PPP2R2B: variants seen among roughly 807,000 people sequenced by gnomAD.
PPP2R2B encodes protein phosphatase 2 regulatory subunit Bbeta.
PPP2R2B carries 5 observed loss-of-function variants against 46.0 expected under a neutral mutation model. The observed-to-expected ratio is 0.11, with a 90% CI of 0.06 to 0.23. The LOEUF is 0.23. Among genes scored for constraint, PPP2R2B ranks in the 10% least tolerant of loss-of-function variants. PPP2R2B has a pLI of 1.00. For synonymous variants in PPP2R2B, 215 were observed against 206.7 expected (o/e 1.04, Z -0.34); for missense variants, 367 against 575.0 (o/e 0.64, Z 3.70).
intron 1 of PPP2R2B, among the ~76,000 whole-genome samples, chr5:146,902,834 T>A (rs5010918): frequency 0.48 from 72,827 of 151,794 alleles, 19,258 homozygotes; most frequent in East Asian, 0.7. Context: ...TTTGCTACAC[T>A]GGAATCAGTT....
At chr5:146,834,816 C>T (rs1216089410) in intron 2 of PPP2R2B, among the ~76,000 whole-genome samples, 1 of 152,112 alleles carries the variant, frequency 6.6e-6, no homozygotes, top group Non-Finnish European at 1.5e-5. Flanking sequence ...TATTTTTCCC[C>T]TCTTTTGTTT....
At chr5:147,074,849 CT>C (rs1757713233) in intron 2 of PPP2R2B, among the ~76,000 whole-genome samples, 2 of 152,214 alleles carry the variant, frequency 1.3e-5, no homozygotes, top group Admixed American at 6.5e-5. Flanking sequence ...GTACCTCATC[CT>C]TCCCTCTACA....
chr5:146,694,629 G>C (rs904042554), intron 4 of PPP2R2B, among the ~76,000 whole-genome samples: 1 of 151,900 alleles, frequency 6.6e-6, no homozygotes, highest in African/African-American at 2.4e-5. Flanking sequence ...ATGTACTTTG[G>C]GGGGAGAATA....
At chr5:146,819,807 T>C (rs1218652629) in intron 2 of PPP2R2B, among the ~76,000 whole-genome samples, 1 of 152,178 alleles carries the variant, frequency 6.6e-6, no homozygotes, top group Non-Finnish European at 1.5e-5. Flanking sequence ...CAAAGAGATA[T>C]CTGCACTCCC....
rs986206839 is a variant in PPP2R2B, at chr5:146,600,190, C to T, written c.960+101G>A. The T allele has an allele frequency of 2.4e-6, 3 of 1,258,284 alleles. No individual in the cohort carries two copies. In the African/African-American group the frequency reaches 4.5e-5, roughly 19 times the overall value. The allele number at this position is 1,258,284 out of a possible 1,614,324, so 77.9% of individuals were successfully genotyped here. Reference sequence around the variant, plus strand: ...TTACTGAATGTATCACCATGCATTGCCTTCCATTTTGCTGCACTGTAAACC... The same window carrying T: ...TTACTGAATGTATCACCATGCATTGTCTTCCATTTTGCTGCACTGTAAACC... On this transcript the variant is annotated intron_variant, in intron 8 of 9. Coordinates refer to ENST00000394411, the MANE Select transcript of PPP2R2B (RefSeq NM_181675.4).
intron 4 of PPP2R2B, among the ~76,000 whole-genome samples, chr5:146,696,787 G>A (rs1206500835): frequency 1.3e-5 from 2 of 152,158 alleles, no homozygotes; most frequent in African/African-American, 4.8e-5. Flanking sequence ...CGTCCGAATT[G>A]TCATTTTTTT....
chr5:146,593,029 G>C lies in PPP2R2B; in HGVS notation c.994C>G (p.Leu332Val). The C allele has an allele frequency of 6.2e-7, 1 of 1,613,970 alleles. No individual in the cohort carries two copies. Among genetic ancestry groups the C allele is most frequent in the Non-Finnish European group, 8.5e-7 (1 of 1,179,834 alleles). The change falls in exon 9 of 10, where the codon CTC becomes GTC. Residue 332 changes from leucine (L) to valine (V), a missense_variant. Leu to Val is a conservative substitution (Grantham distance 32, BLOSUM62 1). This residue lies in a region of PPP2R2B where 361 missense variants were observed against 545.5 expected (regional missense o/e 0.66). Coordinates refer to ENST00000394411, the MANE Select transcript of PPP2R2B (RefSeq NM_181675.4). Reference protein sequence around the residue: ...HDYLRSKLCSLYENDCIFDKF... With the variant: ...HDYLRSKLCSVYENDCIFDKF... ...TCAAAAATGCAGTCATTTTCATAGA[G>C]GGAACACAGCTTGCTGCGGAGGTAG... is the stretch of plus-strand genomic sequence containing the variant.
rs1322028275 is a variant in PPP2R2B at position 146,583,664 on chromosome 5, G to T, written c.*6283C>A. On this transcript the variant is annotated 3_prime_UTR_variant, in exon 10 of 10. Transcript: ENST00000394411. ...CCACAGACCACCCTGGCATGGGCTT[G>T]GCAGGCAGTACATGAACAATCATTA... The T allele has an allele frequency of 6.6e-6, 1 of 152,192 alleles. No individual in the cohort carries two copies. The highest frequency in any genetic ancestry group is 6.5e-5 in the Admixed American group (1 of 15,286). 9.4% of individuals were successfully genotyped at this position (152,192 alleles called of 1,614,324 possible).
At position 146,972,576 on chromosome 5, in the gene PPP2R2B, G is replaced by T. The variant is rs191404714; in HGVS notation, c.79+83089C>A. Among the ~76,000 whole-genome samples, 200 of 152,200 alleles carry T rather than the reference G, an allele frequency of 1.3e-3. 1 individual carries two copies. Among genetic ancestry groups the T allele is most frequent in the African/African-American group, 4.4e-3 (183 of 41,528 alleles). On this transcript the variant is annotated intron_variant, in intron 1 of 8. Transcript: ENST00000336640. ...AAAATACAAAAATTAGCTGGGCATG[G>T]TGGTGGGTGCCTGTAATCCCAGCTA...
chr5:146,937,926 T>G (rs1764207123), intron 1 of PPP2R2B, among the ~76,000 whole-genome samples: 1 of 152,198 alleles, frequency 6.6e-6, no homozygotes, highest in African/African-American at 2.4e-5. Flanking sequence ...TTCTCAGCAC[T>G]GTCATGTTCG....
At chr5:146,732,866 T>C (rs964157945) in intron 2 of PPP2R2B, among the ~76,000 whole-genome samples, 3 of 152,222 alleles carry the variant, frequency 2.0e-5, no homozygotes, top group African/African-American at 7.2e-5. Context: ...TCCAGGCTTA[T>C]AGATGTTATA....
At chr5:146,597,324 C>T (rs1322315470) in intron 8 of PPP2R2B, among the ~76,000 whole-genome samples, 3 of 150,110 alleles carry the variant, frequency 2.0e-5, no homozygotes, top group Admixed American at 1.3e-4. Flanking sequence ...TCATTGCTAT[C>T]CCTGTACCTG....
In PPP2R2B at chr5:146,878,208, C is replaced by A. The variant is rs753133315; in HGVS notation, c.-124-13G>T. The A allele has an allele frequency of 6.4e-7, 1 of 1,557,798 alleles. No individual in the cohort carries two copies. Among genetic ancestry groups the A allele is most frequent in the South Asian group, 1.2e-5 (1 of 85,594 alleles). On this transcript the variant is annotated splice_polypyrimidine_tract_variant and intron_variant, in intron 1 of 9. Transcript: ENST00000394411. This position sits in a 1 kb window ranked among gnomAD's most constrained non-coding sequence, Gnocchi z 4.5. ...CCATGGTCCGAGCCTGAGGAGGAGACGGGGAGGCGGAGAGAAAAAAAATAA... is the reference window on the plus strand; with the variant it reads ...CCATGGTCCGAGCCTGAGGAGGAGAAGGGGAGGCGGAGAGAAAAAAAATAA...
Position 146,801,095 on chromosome 5 carries a change from C to A in PPP2R2B, c.70+76907G>T, listed in dbSNP as rs565713609. ...GTCAGATGCAGAATGACAAATATTG[C>A]ATGATCTCACTTATATGTGGAATCT... On this transcript the variant is annotated intron_variant, in intron 2 of 9. Transcript: ENST00000394411. Among the ~76,000 whole-genome samples, 204 of 152,000 alleles carry A rather than the reference C, an allele frequency of 1.3e-3. 1 individual carries two copies. Among genetic ancestry groups the A allele is most frequent in the African/African-American group, 4.6e-3 (189 of 41,466 alleles).
intron 2 of PPP2R2B, among the ~76,000 whole-genome samples, chr5:146,762,153 T>G (rs1353818821): frequency 6.6e-6 from 1 of 152,200 alleles, no homozygotes; most frequent in African/African-American, 2.4e-5. Flanking sequence ...AGAATTCCTT[T>G]AATGGACAAA....
chr5:146,969,468 G>T (rs1214704143), intron 1 of PPP2R2B, among the ~76,000 whole-genome samples: 1 of 152,218 alleles, frequency 6.6e-6, no homozygotes. Flanking sequence ...CTTAAAGATG[G>T]TGAGTACTTA....
At chr5:146,783,845 G>C (rs1755681265) in intron 2 of PPP2R2B, among the ~76,000 whole-genome samples, 1 of 152,176 alleles carries the variant, frequency 6.6e-6, no homozygotes, top group African/African-American at 2.4e-5. Flanking sequence ...TGTCTGATCG[G>C]GGGATAGGAA....
intron 1 of PPP2R2B, among the ~76,000 whole-genome samples, chr5:147,008,738 G>A (rs569337305): frequency 6.6e-6 from 1 of 152,260 alleles, no homozygotes; most frequent in East Asian, 1.9e-4. Context: ...CACCTCAGAT[G>A]TTTGAGGGTT....
intron 2 of PPP2R2B, among the ~76,000 whole-genome samples, chr5:147,077,132 T>A (rs948139742): frequency 3.4e-5 from 5 of 147,900 alleles, no homozygotes; most frequent in South Asian, 2.1e-4. Context: ...ATATTGTATA[T>A]GTATTATATG....
Sources: gnomAD v4.1 joint callset for allele counts (sites outside exome capture counted in the v4.1 genomes callset) on GRCh38, gnomAD v4.1.1 for gene constraint, gnomAD v4.1.1 regional missense constraint, Gnocchi (gnomAD v3.1) non-coding constraint, MANE v1.5 for transcripts, NCBI Gene and HGNC (gene_info 2026-07-23, HGNC 2026-07-21) for gene names.